Variants in ACAN observed in about 807,000 individuals in gnomAD.
ACAN encodes the protein aggrecan core protein.
In ACAN, 47 loss-of-function variants were observed where a neutral mutation model predicts 169.1. The observed-to-expected ratio is 0.28, with a 90% confidence interval of 0.22 to 0.35. The LOEUF (loss-of-function observed/expected upper bound fraction) is 0.35. Ranked by LOEUF, ACAN falls within the 10% of genes least tolerant of loss-of-function variation. The pLI is 1.00. For missense variants in ACAN, 2,716 were observed against 2,759.9 expected, an observed-to-expected ratio of 0.98 and a Z score of 0.36; for synonymous variants, 1,115 against 1,112.2, an observed-to-expected ratio of 1.00 and a Z score of -0.05.
Position 88,874,314 on chromosome 15 carries a change from C to T in ACAN, c.7631-91C>T, listed in dbSNP as rs1897458873. The T allele has an allele frequency of 4.6e-6, 6 of 1,310,004 alleles. No homozygotes were observed. The highest frequency in any genetic ancestry group is 1.3e-5 in the South Asian group (1 of 78,766). The allele number at this position is 1,310,004 out of a possible 1,614,324, so 81.1% of individuals were successfully genotyped here. A position where few individuals can be genotyped will look rare whatever the true frequency, so the allele number is the denominator to read the frequency against. On this transcript the variant is annotated intron_variant, in intron 18 of 18. Coordinates refer to ENST00000560601, the MANE Select transcript of ACAN (RefSeq NM_001369268.1). This position sits in a 1 kb window ranked among gnomAD's most constrained non-coding sequence, Gnocchi z 7.3. Reference sequence around the variant, plus strand: ...TCAGGCGCCTGAGTCCTGGTTTCCACAAGGGAGAGAGGGTAGTCTGGGGAG... The same window carrying T: ...TCAGGCGCCTGAGTCCTGGTTTCCATAAGGGAGAGAGGGTAGTCTGGGGAG...
At chr15:88,853,492 G>A (rs993538083) in intron 11 of ACAN, among the ~76,000 whole-genome samples, 4 of 152,098 alleles carry the variant, frequency 2.6e-5, no homozygotes, top group African/African-American at 9.7e-5. Flanking sequence ...ACAAAAATTA[G>A]CCAGGTGTGG....
In ACAN at chr15:88,869,254, T is replaced by C. The variant is rs1003690937; in HGVS notation, c.7060+925T>C. Among the ~76,000 whole-genome samples the C allele has an allele frequency of 6.6e-6, 1 of 152,124 alleles. No homozygotes were observed. Among genetic ancestry groups the C allele is most frequent in the Admixed American group, 6.5e-5 (1 of 15,272 alleles). The stretch of plus-strand genomic sequence containing the variant: ...GACAGAACTGGAAGTGTGTAGGGGC[T>C]TAAAATCCTTTTCAATGAACTCTCA... On this transcript the variant is annotated intron_variant, in intron 14 of 18. Coordinates refer to ENST00000560601, the MANE Select transcript of ACAN (RefSeq NM_001369268.1). The surrounding 1 kb of genome is among the most constrained non-coding windows in gnomAD (Gnocchi z 4.2).
chr15:88,870,025 G>C lies in ACAN; in HGVS notation c.7061-1357G>C, dbSNP rs959724176. 6.6e-6 allele frequency among the ~76,000 whole-genome samples: 1 copy of C among 152,154 alleles called. No individual in the cohort carries two copies. Among genetic ancestry groups the C allele is most frequent in the African/African-American group, 2.4e-5 (1 of 41,422 alleles). On this transcript the variant is annotated intron_variant, in intron 14 of 18. Coordinates refer to ENST00000560601, the MANE Select transcript of ACAN (RefSeq NM_001369268.1). This position sits in a 1 kb window ranked among gnomAD's most constrained non-coding sequence, Gnocchi z 6.3. ...TAAGATGATATCTCTGGCCTCTTCA[G>C]AGTGCTGAGCTAGTCTGAGGCCTCT...
rs1895896340 is a variant in ACAN at position 88,814,654 on chromosome 15, A to C, written c.-8+10845A>C. Among the ~76,000 whole-genome samples, 1 of 152,234 alleles carries C rather than the reference A, an allele frequency of 6.6e-6. No individual in the cohort carries two copies. Among genetic ancestry groups the C allele is most frequent in the African/African-American group, 2.4e-5 (1 of 41,460 alleles). On this transcript the variant is annotated intron_variant, in intron 1 of 18. Transcript: ENST00000560601. The surrounding 1 kb of genome is among the most constrained non-coding windows in gnomAD (Gnocchi z 4.0). ...GGTCCATGGGAATAGCGACTCCTCG[A>C]GTTGTGCCAGTGTGCAGCCTTTGCA... is the stretch of plus-strand genomic sequence containing the variant.
chr15:88,845,205 T>C (rs537265658), intron 6 of ACAN, among the ~76,000 whole-genome samples: 2 of 152,368 alleles, frequency 1.3e-5, no homozygotes, highest in South Asian at 4.1e-4. Flanking sequence ...GCAGCTGTGT[T>C]GAGCAGGAAG....
chr15:88,842,036 C>A (rs1465893859), intron 5 of ACAN, among the ~76,000 whole-genome samples, 169 bp downstream of exon 5: 1 of 152,112 alleles, frequency 6.6e-6, no homozygotes, highest in Non-Finnish European at 1.5e-5. Context: ...CAGGTCTGCA[C>A]CCCTCGCACT....
At chr15:88,862,651 C>T (rs148161510) in intron 13 of ACAN, among the ~76,000 whole-genome samples, 3 of 152,246 alleles carry the variant, frequency 2.0e-5, no homozygotes, top group Admixed American at 6.5e-5. Context: ...CCAGTCTTCA[C>T]GGGTGACCCA....
In ACAN at chr15:88,873,555, C is replaced by T. The variant is rs1897431997; in HGVS notation, c.7448-287C>T. On this transcript the variant is annotated intron_variant, in intron 17 of 18. Coordinates refer to ENST00000560601, the MANE Select transcript of ACAN (RefSeq NM_001369268.1). The surrounding 1 kb of genome is among the most constrained non-coding windows in gnomAD (Gnocchi z 7.5). ...TGAACTAGATGTTTTCATCAAGAAG[C>T]CTGAGTCTGCCTGGCTCTCGCCCTC... is the stretch of plus-strand genomic sequence containing the variant. 6.6e-6 allele frequency among the ~76,000 whole-genome samples: 1 copy of T among 152,212 alleles called. No individual in the cohort carries two copies. The highest frequency in any genetic ancestry group is 2.4e-5 in the African/African-American group (1 of 41,446).
At chr15:88,860,566 C>T in intron 13 of ACAN, 127 bp downstream of exon 13, 2 of 662,924 alleles carry the variant, frequency 3.0e-6, no homozygotes, top group Non-Finnish European at 5.3e-6. Flanking sequence ...GAAGGAGCTG[C>T]ATGATGACAT....
rs112155566 is a variant in ACAN at position 88,839,985 on chromosome 15, G to A, written c.455-27G>A. The A allele has an allele frequency of 6.5e-5, 103 of 1,580,790 alleles. 1 individual carries two copies. The highest frequency in any genetic ancestry group is 3.9e-4 in the East Asian group (17 of 43,450). On this transcript the variant is annotated intron_variant, in intron 3 of 18. Coordinates refer to ENST00000560601, the MANE Select transcript of ACAN (RefSeq NM_001369268.1). The surrounding 1 kb of genome is among the most constrained non-coding windows in gnomAD (Gnocchi z 4.5). ...GAGACTGTGCCTGACCAGCTCTTCC[G>A]CTTGTGGGCGTGTATGTGTCTTGCA...
In ACAN at chr15:88,860,332, C is replaced by T; in HGVS notation, c.6839C>T (p.Ala2280Val). The change falls in exon 13 of 19, where the codon GCC (alanine) becomes GTC (valine). Residue 2280 changes from alanine (A) to valine (V), a missense_variant. Coordinates refer to ENST00000560601, the MANE Select transcript of ACAN (RefSeq NM_001369268.1). ...TCTCCCCTGGGGGTTGCAGCCCCCG[C>T]CAGGTCCTGTGCAGAGGAGCCCTGT... ...RESESTAAAP[A>V]RSCAEEPCGA... is the part of the protein sequence containing the mutation. The T allele has an allele frequency of 6.2e-7, 1 of 1,610,282 alleles. No homozygotes were observed. Among genetic ancestry groups the T allele is most frequent in the South Asian group, 1.1e-5 (1 of 90,158 alleles).
At chr15:88,803,900 G>T (rs915335759) in intron 1 of ACAN, 91 bp downstream of exon 1, 1 of 152,320 alleles carries the variant, frequency 6.6e-6, no homozygotes, top group African/African-American at 2.4e-5. Context: ...GGGGCTGGGG[G>T]CTGCACTGCC....
rs771112809 is a variant in ACAN, at chr15:88,868,361, T to C, written c.7060+32T>C. ...CCGTCTTGGCTTCAGCTAATGTTAC[T>C]AACTGCTGCACCCCCTCCTCCTCCC... is the stretch of plus-strand genomic sequence containing the variant. On this transcript the variant is annotated intron_variant, in intron 14 of 18. Coordinates refer to ENST00000560601, the MANE Select transcript of ACAN (RefSeq NM_001369268.1). This position sits in a 1 kb window ranked among gnomAD's most constrained non-coding sequence, Gnocchi z 5.2. 10 of 700,094 alleles carry C rather than the reference T, an allele frequency of 1.4e-5. No homozygotes were observed. Among genetic ancestry groups the C allele is most frequent in the Non-Finnish European group, 1.3e-5 (5 of 383,334 alleles). The allele number at this position is 700,094 out of a possible 1,614,324, so 43.4% of individuals were successfully genotyped here.
At chr15:88,804,828 T>G (rs1410857786) in intron 1 of ACAN, among the ~76,000 whole-genome samples, 5 of 152,182 alleles carry the variant, frequency 3.3e-5, no homozygotes, top group Admixed American at 6.5e-5. Flanking sequence ...GCATGTTGAC[T>G]GATGTGTAAA....
At chr15:88,852,528 C>CTCTG (rs1896955100) in intron 11 of ACAN, among the ~76,000 whole-genome samples, 1 of 152,220 alleles carries the variant, frequency 6.6e-6, no homozygotes, top group Non-Finnish European at 1.5e-5. Context: ...ACTTCCTGAA[C>CTCTG]TCTGTCACAA....
At chr15:88,815,656 T>TAA (rs58267198) in intron 1 of ACAN, among the ~76,000 whole-genome samples, 499 of 53,880 alleles carry the variant, frequency 9.3e-3, no homozygotes, top group East Asian at 0.034. Flanking sequence ...CTGCACTGAT[T>TAA]AAAAAAAAAA....
intron 2 of ACAN, among the ~76,000 whole-genome samples, chr15:88,837,779 C>T (rs1402790114): frequency 6.6e-6 from 1 of 152,122 alleles, no homozygotes; most frequent in African/African-American, 2.4e-5. Flanking sequence ...TCCCCTTGCC[C>T]TGTGATGTAT....
At chr15:88,847,510 C>G in intron 8 of ACAN, 93 bp downstream of exon 8, 3 of 1,376,052 alleles carry the variant, frequency 2.2e-6, no homozygotes, top group East Asian at 5.1e-5. Flanking sequence ...CACTGAGCAC[C>G]CAATACCTTG....
At position 88,857,304 on chromosome 15, in the gene ACAN, G is replaced by A; in HGVS notation, c.4719G>A (p.Arg1573=). Residue 1573 remains arginine, a synonymous_variant, in exon 12 of 19, where the codon AGG becomes AGA. Transcript: ENST00000560601. The part of the protein sequence containing the change: ...GTDLSGLPSG[R]EGLETSASGA... ...ACCTCAGTGGGCTTCCTTCTGGAAG[G>A]GAGGGTCTAGAGACTTCAGCTTCTG... 1.2e-6 allele frequency: 2 copies of A among 1,613,856 alleles called. No individual in the cohort carries two copies. The highest frequency in any genetic ancestry group is 1.1e-5 in the South Asian group (1 of 91,084).
Sources: allele counts gnomAD v4.1 joint callset (sites outside exome capture counted in the v4.1 genomes callset), GRCh38; gene constraint gnomAD v4.1.1; non-coding constraint Gnocchi (gnomAD v3.1); transcripts MANE v1.5; gene names NCBI Gene and HGNC (gene_info 2026-07-23, HGNC 2026-07-21).